Variants in CCDC71L observed in about 807,000 individuals in gnomAD.
CCDC71L encodes the protein coiled-coil domain-containing protein 71L.
In CCDC71L, 6 loss-of-function variants were observed where a neutral mutation model predicts 10.2. That is an observed-to-expected ratio of 0.59 (90% CI 0.32 to 1.16). The LOEUF (loss-of-function observed/expected upper bound fraction) is 1.16, where lower values mean the gene tolerates loss of function less well. Among genes scored for constraint, CCDC71L ranks in the 50% most tolerant of loss-of-function variants. The pLI is 0.05. For missense variants in CCDC71L, 366 were observed against 383.4 expected (o/e 0.95, Z 0.38); for synonymous variants, 204 against 175.5 (o/e 1.16, Z -1.28).
chr7:106,660,075 G>C lies in CCDC71L; in HGVS notation c.*114C>G, dbSNP rs1021936038. 1 of 1,310,448 alleles carries C rather than the reference G, an allele frequency of 7.6e-7. No homozygotes were observed. 81.2% of individuals were successfully genotyped at this position (1,310,448 alleles called of 1,614,324 possible). A position where few individuals can be genotyped will look rare whatever the true frequency, so the allele number is the denominator to read the frequency against. ...ACTTCTTCGCGCGTAAAGTGCATTG[G>C]GGGCCGGGGTCCTGGCCGGATCTGT... On this transcript the variant is annotated 3_prime_UTR_variant, in exon 1 of 1. Transcript: ENST00000523505. The surrounding 1 kb of genome is among the most constrained non-coding windows in gnomAD (Gnocchi z 7.5).
rs1241308602 is a variant in CCDC71L at position 106,660,917 on chromosome 7, T to C, written c.-21A>G. 1.5e-6 allele frequency: 2 copies of C among 1,348,600 alleles called. No individual in the cohort carries two copies. The highest frequency in any genetic ancestry group is 1.9e-6 in the Non-Finnish European group (2 of 1,053,544). The allele number at this position is 1,348,600 out of a possible 1,614,324, so 83.5% of individuals were successfully genotyped here. ...CGCATCGAAGGCCGCTCCGGGCCAC[T>C]CACGCTCGCCGGGTCCCACTACTGC... On this transcript the variant is annotated 5_prime_UTR_variant, in exon 1 of 1. Transcript: ENST00000523505. The surrounding 1 kb of genome is among the most constrained non-coding windows in gnomAD (Gnocchi z 7.5).
In CCDC71L at chr7:106,660,085, T is replaced by C; in HGVS notation, c.*104A>G. ...GCGTAAAGTGCATTGGGGGCCGGGG[T>C]CCTGGCCGGATCTGTAAACACTCGA... On this transcript the variant is annotated 3_prime_UTR_variant, in exon 1 of 1. Transcript: ENST00000523505. The surrounding 1 kb of genome is among the most constrained non-coding windows in gnomAD (Gnocchi z 7.5). The C allele has an allele frequency of 2.2e-6, 3 of 1,340,872 alleles. No individual in the cohort carries two copies. Among genetic ancestry groups the C allele is most frequent in the Non-Finnish European group, 2.9e-6 (3 of 1,038,038 alleles). 83.1% of individuals were successfully genotyped at this position (1,340,872 alleles called of 1,614,324 possible).
In CCDC71L at chr7:106,660,624, G is replaced by A. The variant is rs1203706633; in HGVS notation, c.273C>T (p.His91=). 3.8e-6 allele frequency: 6 copies of A among 1,590,300 alleles called. No homozygotes were observed. In the East Asian group the frequency reaches 1.4e-4, roughly 37 times the overall value. The change falls in exon 1 of 1, where the codon CAC becomes CAT. Residue 91 remains histidine (H), a synonymous_variant. Transcript: ENST00000523505. The surrounding 1 kb of genome is among the most constrained non-coding windows in gnomAD (Gnocchi z 7.5). The part of the protein sequence containing the change: ...LCSLKHQFSP[H]ILRSKDVYGY... ...CGTAGACGTCCTTGCTGCGCAGGAT[G>A]TGCGGGGAGAACTGGTGCTTGAGGC...
chr7:106,661,093 C>T lies in CCDC71L; in HGVS notation c.-197G>A. 1 of 725,104 alleles carries T rather than the reference C, an allele frequency of 1.4e-6. No individual in the cohort carries two copies. Among genetic ancestry groups the T allele is most frequent in the Non-Finnish European group, 2.0e-6 (1 of 509,350 alleles). The allele number at this position is 725,104 out of a possible 1,614,324, so 44.9% of individuals were successfully genotyped here. On this transcript the variant is annotated 5_prime_UTR_variant, in exon 1 of 1. Transcript: ENST00000523505. ...GCCCGGTACAAGATGGCGGCCGGCG[C>T]CCACCCCTGGGCTTTGTCATTGGAC...
Position 106,660,794 on chromosome 7 carries a change from C to T in CCDC71L, c.103G>A (p.Ala35Thr). 11 of 1,547,686 alleles carry T rather than the reference C, an allele frequency of 7.1e-6. No individual in the cohort carries two copies. The highest frequency in any genetic ancestry group is 9.6e-6 in the Non-Finnish European group (11 of 1,145,584). The change falls in exon 1 of 1, where the codon GCG (alanine) becomes ACG (threonine). Residue 35 changes from alanine (A) to threonine (T), a missense_variant. Coordinates refer to ENST00000523505, the MANE Select transcript of CCDC71L (RefSeq NM_175884.6). The surrounding 1 kb of genome is among the most constrained non-coding windows in gnomAD (Gnocchi z 7.5). ...FRAEDGAGLEAREEKVVYSRS... is the reference protein window; with the variant it reads ...FRAEDGAGLETREEKVVYSRS... Reference sequence around the variant, plus strand: ...GAGTACACCACCTTCTCCTCCCGCGCCTCCAACCCAGCCCCGTCTTCTGCC... The same window carrying T: ...GAGTACACCACCTTCTCCTCCCGCGTCTCCAACCCAGCCCCGTCTTCTGCC...
chr7:106,660,391 C>T lies in CCDC71L; in HGVS notation c.506G>A (p.Gly169Glu). Residue 169 changes from glycine to glutamate, a missense_variant, in exon 1 of 1, where the codon GGG becomes GAG. Transcript: ENST00000523505. The surrounding 1 kb of genome is among the most constrained non-coding windows in gnomAD (Gnocchi z 7.5). ...ESCPAKPVAP[G>E]PCFGGRTLEE... is the part of the protein sequence containing the mutation. Reference sequence around the variant, plus strand: ...CAAGGTGCGGCCCCCGAAGCAGGGCCCGGGGGCCACGGGCTTGGCCGGGCA... The same window carrying T: ...CAAGGTGCGGCCCCCGAAGCAGGGCTCGGGGGCCACGGGCTTGGCCGGGCA... 2 of 1,334,752 alleles carry T rather than the reference C, an allele frequency of 1.5e-6. No homozygotes were observed. Among genetic ancestry groups the T allele is most frequent in the Non-Finnish European group, 1.9e-6 (2 of 1,045,978 alleles). 82.7% of individuals were successfully genotyped at this position (1,334,752 alleles called of 1,614,324 possible). A position where few individuals can be genotyped will look rare whatever the true frequency, so the allele number is the denominator to read the frequency against.
rs769080351 is a variant in CCDC71L, at chr7:106,660,340, G to C, written c.557C>G (p.Pro186Arg). 2.0e-6 allele frequency: 3 copies of C among 1,479,834 alleles called. No individual in the cohort carries two copies. The highest frequency in any genetic ancestry group is 2.7e-6 in the Non-Finnish European group (3 of 1,123,844). 91.7% of individuals were successfully genotyped at this position (1,479,834 alleles called of 1,614,324 possible). ...GATGGTGGGGAAGGTGGTCAGCGTC[G>C]GGGTGGCCGCCCTCCAGATCTCCTC... ...TLEEIWRAAT[P>R]TLTTFPTIRV... The change falls in exon 1 of 1, where the codon CCG (proline) becomes CGG (arginine). Residue 186 changes from proline (P) to arginine (R), a missense_variant. Pro to Arg is a moderately radical substitution (Grantham distance 103). Coordinates refer to ENST00000523505, the MANE Select transcript of CCDC71L (RefSeq NM_175884.6). The surrounding 1 kb of genome is among the most constrained non-coding windows in gnomAD (Gnocchi z 7.5).
At position 106,654,419 on chromosome 7, in the gene CCDC71L, G is replaced by T. The variant is rs1014774117; in HGVS notation, c.*5770C>A. ...GTTCCAAACTGGAATCTACCCAAAT[G>T]CCCACCAAGACTGGAATAAATATAT... On this transcript the variant is annotated 3_prime_UTR_variant, in exon 1 of 1. Coordinates refer to ENST00000523505, the MANE Select transcript of CCDC71L (RefSeq NM_175884.6). 4.0e-5 allele frequency among the ~76,000 whole-genome samples: 6 copies of T among 151,394 alleles called. No homozygotes were observed. The highest frequency in any genetic ancestry group is 8.8e-5 in the Non-Finnish European group (6 of 67,838).
Position 106,660,131 on chromosome 7 carries a change from C to T in CCDC71L, c.*58G>A. 2.1e-6 allele frequency: 3 copies of T among 1,443,988 alleles called. No individual in the cohort carries two copies. Among genetic ancestry groups the T allele is most frequent in the South Asian group, 1.4e-5 (1 of 71,802 alleles). The allele number at this position is 1,443,988 out of a possible 1,614,324, so 89.4% of individuals were successfully genotyped here. ...CTCGACTGACACTTGTTCATTCCTC[C>T]GGGCGGAAGGCCTGTCCCAAGGTCG... is the stretch of plus-strand genomic sequence containing the variant. On this transcript the variant is annotated 3_prime_UTR_variant, in exon 1 of 1. Coordinates refer to ENST00000523505, the MANE Select transcript of CCDC71L (RefSeq NM_175884.6). The surrounding 1 kb of genome is among the most constrained non-coding windows in gnomAD (Gnocchi z 7.5).
chr7:106,660,886 C>G lies in CCDC71L; in HGVS notation c.11G>C (p.Ser4Thr), dbSNP rs13243695. The G allele has an allele frequency of 1.4e-6, 2 of 1,431,374 alleles. No individual in the cohort carries two copies. Among genetic ancestry groups the G allele is most frequent in the Non-Finnish European group, 1.8e-6 (2 of 1,099,928 alleles). The allele number at this position is 1,431,374 out of a possible 1,614,324, so 88.7% of individuals were successfully genotyped here. A position where few individuals can be genotyped will look rare whatever the true frequency, so the allele number is the denominator to read the frequency against. MRR[S>T]MKRRRRRRPV... ...GCGCCGGCGCCGCCGCCTCTTCATA[C>G]TGCGCCGCATCGAAGGCCGCTCCGG... Residue 4 changes from serine (S) to threonine (T), a missense_variant, in exon 1 of 1, where the codon AGT (serine) becomes ACT (threonine). Ser to Thr is a moderately conservative substitution (Grantham distance 58). Transcript: ENST00000523505. The surrounding 1 kb of genome is among the most constrained non-coding windows in gnomAD (Gnocchi z 7.5).
rs1482523743 is a variant in CCDC71L, at chr7:106,657,017, A to C, written c.*3172T>G. The C allele has an allele frequency of 6.6e-6, 1 of 152,200 alleles. No individual in the cohort carries two copies. The highest frequency in any genetic ancestry group is 1.5e-5 in the Non-Finnish European group (1 of 68,018). The allele number at this position is 152,200 out of a possible 1,614,324, so 9.4% of individuals were successfully genotyped here. On this transcript the variant is annotated 3_prime_UTR_variant, in exon 1 of 1. Transcript: ENST00000523505. Reference sequence around the variant, plus strand: ...GTGGCAATCCTTAAAACAATGAAAAACTTTTGAGTTCAAAATTGCTCAGAT... The same window carrying C: ...GTGGCAATCCTTAAAACAATGAAAACCTTTTGAGTTCAAAATTGCTCAGAT...
At position 106,660,550 on chromosome 7, in the gene CCDC71L, G is replaced by T; in HGVS notation, c.347C>A (p.Thr116Lys). ...CGGCCGGCGCGCCTGGCCGCGGGCT[G>T]TAGGGGGCCCCGGGGGGTCGGGTAC... ...ALVPDPPGPP[T>K]ARGQARRPVP... is the part of the protein sequence containing the mutation. The change falls in exon 1 of 1, where the codon ACA becomes AAA. Residue 116 changes from threonine (T) to lysine (K), a missense_variant. Coordinates refer to ENST00000523505, the MANE Select transcript of CCDC71L (RefSeq NM_175884.6). This position sits in a 1 kb window ranked among gnomAD's most constrained non-coding sequence, Gnocchi z 7.5. The T allele has an allele frequency of 6.6e-7, 1 of 1,510,110 alleles. No homozygotes were observed. The highest frequency in any genetic ancestry group is 8.9e-7 in the Non-Finnish European group (1 of 1,128,982). 93.5% of individuals were successfully genotyped at this position (1,510,110 alleles called of 1,614,324 possible). A position where few individuals can be genotyped will look rare whatever the true frequency, so the allele number is the denominator to read the frequency against.
rs1349407480 is a variant in CCDC71L, at chr7:106,657,895, T to TA, written c.*2293dup. ...AGAGAAAAATGTCAAGAATCTCAGT[T>TA]AAAATAAATGAATGGTGTCAGTGGT... is the stretch of plus-strand genomic sequence containing the variant. On this transcript the variant is annotated 3_prime_UTR_variant, in exon 1 of 1. Coordinates refer to ENST00000523505, the MANE Select transcript of CCDC71L (RefSeq NM_175884.6). 2 of 152,200 alleles carry TA rather than the reference T, an allele frequency of 1.3e-5. No homozygotes were observed. The highest frequency in any genetic ancestry group is 4.8e-5 in the African/African-American group (2 of 41,444). The allele number at this position is 152,200 out of a possible 1,614,324, so 9.4% of individuals were successfully genotyped here.
rs1364474180 is a variant in CCDC71L at position 106,656,912 on chromosome 7, T to A, written c.*3277A>T. 1 of 152,198 alleles carries A rather than the reference T, an allele frequency of 6.6e-6. No individual in the cohort carries two copies. Among genetic ancestry groups the A allele is most frequent in the African/African-American group, 2.4e-5 (1 of 41,450 alleles). 9.4% of individuals were successfully genotyped at this position (152,198 alleles called of 1,614,324 possible). On this transcript the variant is annotated 3_prime_UTR_variant, in exon 1 of 1. Coordinates refer to ENST00000523505, the MANE Select transcript of CCDC71L (RefSeq NM_175884.6). ...ATTGTTTTCTAATGCGCTTAAGACA[T>A]AACACTCTATCAAAAAATATTTTAA... is the stretch of plus-strand genomic sequence containing the variant.
Position 106,655,084 on chromosome 7 carries a change from C to A in CCDC71L, c.*5105G>T, listed in dbSNP as rs2116089330. ...TTGGTGTTTTTATGATTATTACTTT[C>A]CAATTGGGCTTTAGATATGTTTATT... On this transcript the variant is annotated 3_prime_UTR_variant, in exon 1 of 1. Transcript: ENST00000523505. Among the ~76,000 whole-genome samples the A allele has an allele frequency of 6.6e-6, 1 of 152,178 alleles. No homozygotes were observed. Among genetic ancestry groups the A allele is most frequent in the Non-Finnish European group, 1.5e-5 (1 of 67,974 alleles).
chr7:106,659,915 A>G lies in CCDC71L; in HGVS notation c.*274T>C. Reference sequence around the variant, plus strand: ...GGAGACGTCTCAATCGGTGGTCAGGAAGAAAGGGACCTCCCCTGCGGGTCC... The same window carrying G: ...GGAGACGTCTCAATCGGTGGTCAGGGAGAAAGGGACCTCCCCTGCGGGTCC... On this transcript the variant is annotated 3_prime_UTR_variant, in exon 1 of 1. Coordinates refer to ENST00000523505, the MANE Select transcript of CCDC71L (RefSeq NM_175884.6). The G allele has an allele frequency of 2.3e-6, 1 of 437,112 alleles. No individual in the cohort carries two copies. Among genetic ancestry groups the G allele is most frequent in the Non-Finnish European group, 4.1e-6 (1 of 246,162 alleles). 27.1% of individuals were successfully genotyped at this position (437,112 alleles called of 1,614,324 possible).
At position 106,660,375 on chromosome 7, in the gene CCDC71L, G is replaced by A; in HGVS notation, c.522C>T (p.Gly174=). 7.3e-7 allele frequency: 1 copy of A among 1,363,606 alleles called. No individual in the cohort carries two copies. Among genetic ancestry groups the A allele is most frequent in the Non-Finnish European group, 9.4e-7 (1 of 1,062,910 alleles). 84.5% of individuals were successfully genotyped at this position (1,363,606 alleles called of 1,614,324 possible). A position where few individuals can be genotyped will look rare whatever the true frequency, so the allele number is the denominator to read the frequency against. Residue 174 remains glycine (G), a synonymous_variant, in exon 1 of 1, where the codon GGC becomes GGT. Coordinates refer to ENST00000523505, the MANE Select transcript of CCDC71L (RefSeq NM_175884.6). The surrounding 1 kb of genome is among the most constrained non-coding windows in gnomAD (Gnocchi z 7.5). ...CCCTCCAGATCTCCTCCAAGGTGCGGCCCCCGAAGCAGGGCCCGGGGGCCA... is the reference window on the plus strand; with the variant it reads ...CCCTCCAGATCTCCTCCAAGGTGCGACCCCCGAAGCAGGGCCCGGGGGCCA... The part of the protein sequence containing the change: ...KPVAPGPCFG[G]RTLEEIWRAA...
In CCDC71L at chr7:106,661,136, G is replaced by A. The variant is rs956962912; in HGVS notation, c.-240C>T. ...CATTGGACGGCGCCTCGCCCCCCTG[G>A]TTTCTCTTTCTTCTCCTCTCTTGCC... On this transcript the variant is annotated 5_prime_UTR_variant, in exon 1 of 1. Coordinates refer to ENST00000523505, the MANE Select transcript of CCDC71L (RefSeq NM_175884.6). 1 of 459,390 alleles carries A rather than the reference G, an allele frequency of 2.2e-6. No homozygotes were observed. The highest frequency in any genetic ancestry group is 3.9e-5 in the East Asian group (1 of 25,632). The allele number at this position is 459,390 out of a possible 1,614,324, so 28.5% of individuals were successfully genotyped here.
At position 106,657,095 on chromosome 7, in the gene CCDC71L, T is replaced by G. The variant is rs139764701; in HGVS notation, c.*3094A>C. ...TACTTAAGAGTTTTCTAAAAAATAG[T>G]ACTATCATTTGCACACAGCAGATCA... On this transcript the variant is annotated 3_prime_UTR_variant, in exon 1 of 1. Coordinates refer to ENST00000523505, the MANE Select transcript of CCDC71L (RefSeq NM_175884.6). 19 of 152,340 alleles carry G rather than the reference T, an allele frequency of 1.2e-4. No homozygotes were observed. In the East Asian group the frequency reaches 3.7e-3, roughly 29 times the overall value. 9.4% of individuals were successfully genotyped at this position (152,340 alleles called of 1,614,324 possible).
Sources: gnomAD v4.1 joint callset for allele counts (sites outside exome capture counted in the v4.1 genomes callset) on GRCh38, gnomAD v4.1.1 for gene constraint, Gnocchi (gnomAD v3.1) non-coding constraint, MANE v1.5 for transcripts, NCBI Gene and HGNC (gene_info 2026-07-23, HGNC 2026-07-21) for gene names.